The following UGT1A10 variants were observed in gnomAD, a reference collection of about 807,000 sequenced individuals.
The protein encoded by UGT1A10 is UDP glucuronosyltransferase family 1 member A10.
A neutral mutation model predicts 45.8 loss-of-function variants in UGT1A10; 49 were observed. The observed-to-expected ratio is 1.07, with a 90% CI of 0.85 to 1.36. UGT1A10 has a LOEUF of 1.36. UGT1A10 is among the 40% of genes most tolerant of loss of function. UGT1A10 has a pLI of 0.00. For synonymous variants in UGT1A10, 284 were observed against 249.7 expected, an observed-to-expected ratio of 1.14 and a Z score of -1.29; for missense variants, 745 against 668.6, an observed-to-expected ratio of 1.11 and a Z score of -1.26.
intron 1 of UGT1A10, chr2:233,713,890 T>C: frequency 1.2e-6 from 2 of 1,613,384 alleles, no homozygotes; most frequent in Non-Finnish European, 1.7e-6. Context: ...CAATCAATGT[T>C]CCAGGCAAAA....
intron 1 of UGT1A10, among the ~76,000 whole-genome samples, chr2:233,702,710 C>T (rs1001273566): frequency 2.0e-5 from 3 of 152,232 alleles, no homozygotes; most frequent in African/African-American, 7.2e-5. Flanking sequence ...TTTTCTGTGT[C>T]TATTGAAATG....
intron 1 of UGT1A10, chr2:233,719,609 G>A (rs758434623): frequency 1.2e-5 from 19 of 1,613,894 alleles, no homozygotes; most frequent in East Asian, 2.2e-5. Flanking sequence ...ACTTTGTGAT[G>A]GACTACCCCA....
At chr2:233,704,563 A>G (rs1009157826) in intron 1 of UGT1A10, among the ~76,000 whole-genome samples, 11 of 152,202 alleles carry the variant, frequency 7.2e-5, no homozygotes, top group Non-Finnish European at 1.6e-4. Context: ...TTATATAAAT[A>G]CACATGCTTT....
chr2:233,698,244 A>G (rs951400538), intron 1 of UGT1A10, among the ~76,000 whole-genome samples: 3 of 152,206 alleles, frequency 2.0e-5, no homozygotes, highest in South Asian at 2.1e-4. Flanking sequence ...TCAAAATAGA[A>G]TTTCTTTTGT....
chr2:233,648,075 A>G, intron 1 of UGT1A10: 4 of 1,545,632 alleles, frequency 2.6e-6, no homozygotes, highest in South Asian at 1.3e-5. Flanking sequence ...CTTCAACCTT[A>G]TACACCCTGG....
intron 1 of UGT1A10, among the ~76,000 whole-genome samples, chr2:233,746,241 G>A (rs1177862804): frequency 6.6e-6 from 1 of 151,746 alleles, no homozygotes; most frequent in African/African-American, 2.4e-5. Context: ...ACTGCTAAAA[G>A]ATACAAGGCA....
At chr2:233,719,203 G>A (rs145806554) in intron 1 of UGT1A10, 5 of 1,614,242 alleles carry the variant, frequency 3.1e-6, no homozygotes, top group Middle Eastern at 3.3e-4. Context: ...CATAGGTGTT[G>A]TGTGGAGCTA....
At chr2:233,771,921 C>T (rs1320163418) in intron 4 of UGT1A10, among the ~76,000 whole-genome samples, 1 of 151,966 alleles carries the variant, frequency 6.6e-6, no homozygotes, top group East Asian at 1.9e-4. Context: ...AGTAACACAG[C>T]CTGGGCAACA....
intron 1 of UGT1A10, among the ~76,000 whole-genome samples, chr2:233,715,799 G>A (rs2076471027): frequency 6.6e-6 from 1 of 152,116 alleles, no homozygotes; most frequent in African/African-American, 2.4e-5. Context: ...TTTGGAATGT[G>A]AAAATCTTGT....
At chr2:233,702,131 A>C (rs1379311746) in intron 1 of UGT1A10, among the ~76,000 whole-genome samples, 1 of 151,904 alleles carries the variant, frequency 6.6e-6, no homozygotes, top group Non-Finnish European at 1.5e-5. Context: ...ATTTTCAGTC[A>C]CTCCCAAAGA....
chr2:233,743,601 C>G (rs201940151), intron 1 of UGT1A10: 4 of 1,367,294 alleles, frequency 2.9e-6, no homozygotes, highest in Middle Eastern at 2.1e-4. Flanking sequence ...GGGTCCTGGC[C>G]GCCGAAGAAC....
chr2:233,661,623 T>TTTTCTTTCTTTCTTTTCTTTTTCTTTC (rs1265546183), intron 1 of UGT1A10, among the ~76,000 whole-genome samples: 1 of 123,952 alleles, frequency 8.1e-6, no homozygotes, highest in South Asian at 2.7e-4. Flanking sequence ...ACTTACTGAA[T>TTTTCTTTCTTTCTTTTCTTTTTCTTTC]TTTCTTTCTT....
intron 1 of UGT1A10, among the ~76,000 whole-genome samples, chr2:233,687,621 G>T (rs796956620): frequency 6.7e-6 from 1 of 148,232 alleles, no homozygotes; most frequent in South Asian, 2.1e-4. Flanking sequence ...AAGAAAAAAA[G>T]GCTGAGTGTG....
chr2:233,711,528 C>G (rs192551703), intron 1 of UGT1A10, among the ~76,000 whole-genome samples: 1 of 152,340 alleles, frequency 6.6e-6, no homozygotes, highest in East Asian at 1.9e-4. Flanking sequence ...CCTCACAACT[C>G]CCCGGGAATC....
intron 1 of UGT1A10, chr2:233,755,670 G>A (rs1695987366): frequency 6.3e-6 from 1 of 158,018 alleles, no homozygotes. Flanking sequence ...AGAGGGTGGT[G>A]GGAGTGAGTT....
intron 1 of UGT1A10, among the ~76,000 whole-genome samples, chr2:233,739,350 G>A (rs1691066306): frequency 6.6e-6 from 1 of 152,146 alleles, no homozygotes; most frequent in South Asian, 2.1e-4. Flanking sequence ...ACCCAGAAGG[G>A]CAGATCCAAT....
At chr2:233,672,599 G>T (rs772418161) in intron 1 of UGT1A10, 2 of 1,613,822 alleles carry the variant, frequency 1.2e-6, no homozygotes, top group Admixed American at 3.3e-5. Flanking sequence ...TTATGCCACC[G>T]TTTTTTCAAA....
chr2:233,653,704 C>T (rs578238928), intron 1 of UGT1A10, among the ~76,000 whole-genome samples: 38 of 152,324 alleles, frequency 2.5e-4, no homozygotes, highest in South Asian at 8.3e-4. Flanking sequence ...TCAAGCGATT[C>T]TCCTGCCTCA....
chr2:233,755,031 C>A (rs758383518), intron 1 of UGT1A10: 1 of 1,312,808 alleles, frequency 7.6e-7, no homozygotes, highest in East Asian at 4.6e-5. Flanking sequence ...GAAGGGCCTG[C>A]CGCCTGCGCA....
Sources: gnomAD v4.1 joint callset for allele counts (sites outside exome capture counted in the v4.1 genomes callset) on GRCh38, gnomAD v4.1.1 for gene constraint, MANE v1.5 for transcripts, NCBI Gene and HGNC (gene_info 2026-07-23, HGNC 2026-07-21) for gene names.